Variants in MMEL1 observed in about 807,000 individuals in gnomAD.
The protein encoded by MMEL1 is membrane metalloendopeptidase like 1, also known as membrane metallo-endopeptidase-like 1.
In MMEL1, 98 loss-of-function variants were observed where a neutral mutation model predicts 117.1. The ratio of observed to expected loss-of-function variants is 0.84; its 90% CI spans 0.71 to 0.99. The LOEUF (loss-of-function observed/expected upper bound fraction) is 0.99. MMEL1 is among the 50% of genes least tolerant of loss of function. MMEL1 has a pLI of 0.00. For synonymous variants in MMEL1, 390 were observed against 415.1 expected, an observed-to-expected ratio of 0.94 and a Z score of 0.74; for missense variants, 1,014 against 1,049.1, an observed-to-expected ratio of 0.97 and a Z score of 0.46.
Position 2,596,072 on chromosome 1 carries a change from A to G in MMEL1, c.1437T>C (p.Phe479=). The G allele has an allele frequency of 6.2e-7, 1 of 1,613,922 alleles. No individual in the cohort carries two copies. Among genetic ancestry groups the G allele is most frequent in the Non-Finnish European group, 8.5e-7 (1 of 1,179,932 alleles). Residue 479 remains phenylalanine (F), a synonymous_variant, in exon 15 of 24, where the codon TTT becomes TTC. Coordinates refer to ENST00000378412, the MANE Select transcript of MMEL1 (RefSeq NM_033467.4). ...RELIDKVRTV[F]VETLDELGWM... ...AGCCCAGCTCGTCCAGCGTCTCCAC[A>G]AACACTGTCCGCACCTTGTCAATGA...
At chr1:2,613,596 G>A (rs922863935) in intron 2 of MMEL1, among the ~76,000 whole-genome samples, 1 of 152,194 alleles carries the variant, frequency 6.6e-6, no homozygotes, top group African/African-American at 2.4e-5. Context: ...AAACCAGCAT[G>A]AGTCAAATTC....
chr1:2,591,326 A>C (rs1644697583), intron 23 of MMEL1: 5 of 599,440 alleles, frequency 8.3e-6, no homozygotes, highest in African/African-American at 1.9e-5. Context: ...TCTCCTTCAC[A>C]CAGAAACATT....
At chr1:2,623,656 C>T (rs996605783) in intron 2 of MMEL1, among the ~76,000 whole-genome samples, 21 of 152,222 alleles carry the variant, frequency 1.4e-4, no homozygotes, top group East Asian at 5.8e-4. Flanking sequence ...GCCCCCATCA[C>T]GAAGAGGTTT....
At chr1:2,603,282 ACGCCTG>A (rs1644963963) in intron 11 of MMEL1, among the ~76,000 whole-genome samples, 1 of 152,152 alleles carries the variant, frequency 6.6e-6, no homozygotes, top group Non-Finnish European at 1.5e-5. Flanking sequence ...CCGAAGCTGC[ACGCCTG>A]CGCCTCCTGG....
chr1:2,591,155 C>A (rs1644689653), intron 23 of MMEL1, 66 bp from the exon 24 acceptor site: 5 of 1,190,016 alleles, frequency 4.2e-6, no homozygotes, highest in Non-Finnish European at 4.7e-6. Flanking sequence ...ATTTTAAGTT[C>A]TCCGTGATTA....
chr1:2,602,315 C>T (rs1422930244), intron 11 of MMEL1, among the ~76,000 whole-genome samples: 4 of 152,046 alleles, frequency 2.6e-5, no homozygotes, highest in African/African-American at 9.7e-5. Context: ...CACTCTGGGG[C>T]GATTCTGAAC....
Position 2,591,031 on chromosome 1 carries a change from C to G in MMEL1, c.2299G>C (p.Gly767Arg). Reference sequence around the variant, plus strand: ...CGCTCCTTGGGGTGCATGGGGGTGCCCCGGGCACAGTGGAACGTGTCTGCG... The same window carrying G: ...CGCTCCTTGGGGTGCATGGGGGTGCGCCGGGCACAGTGGAACGTGTCTGCG... ...AFADTFHCAR[G>R]TPMHPKERCR... The change falls in exon 24 of 24, where the codon GGC becomes CGC. Residue 767 changes from glycine to arginine, a missense_variant. Gly to Arg is a moderately radical substitution (Grantham distance 125). Coordinates refer to ENST00000378412, the MANE Select transcript of MMEL1 (RefSeq NM_033467.4). 2 of 1,606,002 alleles carry G rather than the reference C, an allele frequency of 1.2e-6. No homozygotes were observed. The highest frequency in any genetic ancestry group is 1.7e-6 in the Non-Finnish European group (2 of 1,177,184).
chr1:2,623,161 G>A (rs1469418450), intron 2 of MMEL1, among the ~76,000 whole-genome samples: 1 of 149,300 alleles, frequency 6.7e-6, no homozygotes. Context: ...GAGTGACTCC[G>A]TCTAAAAAAA....
chr1:2,625,872 C>A lies in MMEL1; in HGVS notation c.154+3459G>T, dbSNP rs115669509. 4.4e-3 allele frequency among the ~76,000 whole-genome samples: 669 copies of A among 152,320 alleles called. 3 individuals carry two copies. Among genetic ancestry groups the A allele is most frequent in the African/African-American group, 0.015 (630 of 41,558 alleles). ...GCCCATGGTCTTCACTCCTCCCACCCTGCCTTCTCTCCTCCAGCCTGCACC... is the reference window on the plus strand; with the variant it reads ...GCCCATGGTCTTCACTCCTCCCACCATGCCTTCTCTCCTCCAGCCTGCACC... On this transcript the variant is annotated intron_variant, in intron 2 of 23. Coordinates refer to ENST00000378412, the MANE Select transcript of MMEL1 (RefSeq NM_033467.4).
At chr1:2,593,707 C>T in intron 19 of MMEL1, 107 bp downstream of exon 19, 2 of 1,406,636 alleles carry the variant, frequency 1.4e-6, no homozygotes, top group Non-Finnish European at 1.9e-6. Context: ...GCCTCGGTGT[C>T]CCCACTGAAA....
chr1:2,621,751 T>C (rs1645293326), intron 2 of MMEL1, among the ~76,000 whole-genome samples: 1 of 152,152 alleles, frequency 6.6e-6, no homozygotes, highest in Non-Finnish European at 1.5e-5. Context: ...TAAGTAGAGA[T>C]GGGGTTTCTC....
Position 2,609,400 on chromosome 1 carries a change from A to T in MMEL1, c.474T>A (p.Thr158=). 2 of 1,611,574 alleles carry T rather than the reference A, an allele frequency of 1.2e-6. No homozygotes were observed. The highest frequency in any genetic ancestry group is 1.7e-6 in the Non-Finnish European group (2 of 1,179,250). Residue 158 remains threonine, a synonymous_variant, in exon 6 of 24, where the codon ACT becomes ACA. Transcript: ENST00000378412. ...VILKAVLENS[T]AKDRPAVEKA... ...TCTCCACAGCCGGCCGGTCCTTGGC[A>T]GTCGAATTCTCCAGCACCGCTGTGG...
chr1:2,631,168 C>T (rs528726106), intron 1 of MMEL1, among the ~76,000 whole-genome samples: 8 of 152,306 alleles, frequency 5.3e-5, no homozygotes, highest in South Asian at 4.1e-4. Flanking sequence ...GGAAGTTGCC[C>T]GGTCCTAGGG....
At position 2,609,696 on chromosome 1, in the gene MMEL1, C is replaced by T. The variant is rs375671397; in HGVS notation, c.428G>A (p.Arg143His). ...TTTGAGGATGACCTCCAGCTCGTCG[C>T]GGAGGACGTCAAAGATGCTGTATCT... ...NSRYSIFDVL[R>H]DELEVILKAV... is the part of the protein sequence containing the mutation. The change falls in exon 5 of 24, where the codon CGC becomes CAC. Residue 143 changes from arginine (R) to histidine (H), a missense_variant. Coordinates refer to ENST00000378412, the MANE Select transcript of MMEL1 (RefSeq NM_033467.4). 1.8e-5 allele frequency: 29 copies of T among 1,612,330 alleles called. No homozygotes were observed. The African/African-American group carries it at 2.0e-4, about 11-fold the overall frequency.
At chr1:2,624,090 T>C (rs1046796503) in intron 2 of MMEL1, among the ~76,000 whole-genome samples, 6 of 152,160 alleles carry the variant, frequency 3.9e-5, no homozygotes, top group African/African-American at 1.2e-4. Flanking sequence ...CCAGGTATAC[T>C]AGGCCTGCCT....
At chr1:2,603,024 C>T (rs1375582560) in intron 11 of MMEL1, among the ~76,000 whole-genome samples, 1 of 152,222 alleles carries the variant, frequency 6.6e-6, no homozygotes, top group Non-Finnish European at 1.5e-5. Flanking sequence ...TGCGTGTGTT[C>T]TGGGCAGCGG....
At chr1:2,607,784 C>T (rs575194146) in intron 6 of MMEL1, among the ~76,000 whole-genome samples, 29 of 152,046 alleles carry the variant, frequency 1.9e-4, no homozygotes, top group African/African-American at 6.8e-4. Flanking sequence ...GAGGCTGTGG[C>T]GGGCTCACTA....
chr1:2,628,111 G>T (rs147071286), intron 2 of MMEL1, among the ~76,000 whole-genome samples: 2 of 152,338 alleles, frequency 1.3e-5, no homozygotes, highest in Non-Finnish European at 2.9e-5. Flanking sequence ...AGCCCAGCAG[G>T]CTCTGAACAG....
chr1:2,608,924 C>T (rs1431854103), intron 6 of MMEL1, among the ~76,000 whole-genome samples: 2 of 143,670 alleles, frequency 1.4e-5, no homozygotes, highest in Non-Finnish European at 3.0e-5. Flanking sequence ...TACACATACA[C>T]GTATACACAT....
Sources: allele counts gnomAD v4.1 joint callset (sites outside exome capture counted in the v4.1 genomes callset), GRCh38; gene constraint gnomAD v4.1.1; transcripts MANE v1.5; gene names NCBI Gene and HGNC (gene_info 2026-07-23, HGNC 2026-07-21).